The following PAXBP1 variants were observed in gnomAD, a reference collection of about 807,000 sequenced individuals.
PAXBP1 encodes the protein PAX3- and PAX7-binding protein 1.
A neutral mutation model predicts 119.9 loss-of-function variants in PAXBP1; 44 were observed. That is an observed-to-expected ratio of 0.37 (90% CI 0.29 to 0.47). The LOEUF (loss-of-function observed/expected upper bound fraction) is 0.47. Ranked by LOEUF, PAXBP1 falls within the 20% of genes least tolerant of loss-of-function variation. The probability of loss-of-function intolerance (pLI) is 0.99; values close to 1 mark genes in which losing one functional copy is unlikely to be tolerated. For synonymous variants in PAXBP1, 393 were observed against 406.6 expected, an observed-to-expected ratio of 0.97 and a Z score of 0.40; for missense variants, 898 against 1,134.1, an observed-to-expected ratio of 0.79 and a Z score of 2.99.
intron 6 of PAXBP1, 25 bp from the exon 7 acceptor site, chr21:32,759,294 T>C (rs1249829876): frequency 1.2e-6 from 2 of 1,602,846 alleles, no homozygotes; most frequent in African/African-American, 1.3e-5. Context: ...AGGATAAATA[T>C]AACACATTTA....
chr21:32,759,790 G>A lies in PAXBP1; in HGVS notation c.1180C>T (p.Gln394Ter). The A allele has an allele frequency of 6.2e-7, 1 of 1,613,356 alleles. No homozygotes were observed. The highest frequency in any genetic ancestry group is 8.5e-7 in the Non-Finnish European group (1 of 1,179,334). Residue 394 changes from glutamine to a stop codon, truncating the protein, a stop_gained, in exon 6 of 18, where the codon CAG (glutamine) becomes TAG (stop). Coordinates refer to ENST00000331923, the MANE Select transcript of PAXBP1 (RefSeq NM_016631.4). LOFTEE classifies it high-confidence loss of function. Reference sequence around the variant, plus strand: ...GATCTGCCCTACCTGTCTTTAAGCTGTTTCTTTACCAAATCAATAGTAACG... The same window carrying A: ...GATCTGCCCTACCTGTCTTTAAGCTATTTCTTTACCAAATCAATAGTAACG... ...TPVTIDLVKK[Q>*]LKDRLDSMKE...
At chr21:32,738,103 T>A in intron 16 of PAXBP1, 70 bp downstream of exon 16, 1 of 1,424,644 alleles carries the variant, frequency 7.0e-7, no homozygotes, top group Non-Finnish European at 9.3e-7. Flanking sequence ...CAAATCCCTC[T>A]TCAAACAAAC....
At chr21:32,770,728 C>T (rs77568761) in intron 1 of PAXBP1, among the ~76,000 whole-genome samples, 7,265 of 152,282 alleles carry the variant, frequency 0.048, 265 homozygotes, top group South Asian at 0.15. Flanking sequence ...TACACCGTCT[C>T]GCTTCACTGT....
chr21:32,740,218 C>T (rs1052884906), intron 15 of PAXBP1, among the ~76,000 whole-genome samples: 2 of 152,152 alleles, frequency 1.3e-5, no homozygotes, highest in Admixed American at 1.3e-4. Context: ...TGCAACCATC[C>T]CTCTCTCACC....
intron 7 of PAXBP1, among the ~76,000 whole-genome samples, chr21:32,757,441 ATAAGGTT>A (rs1482670652): frequency 6.6e-6 from 1 of 152,228 alleles, no homozygotes; most frequent in African/African-American, 2.4e-5. Flanking sequence ...TAGTCACTGT[ATAAGGTT>A]TAAGATTTGT....
At chr21:32,760,692 C>G (rs1161297165) in intron 5 of PAXBP1, among the ~76,000 whole-genome samples, 1 of 152,098 alleles carries the variant, frequency 6.6e-6, no homozygotes, top group African/African-American at 2.4e-5. Flanking sequence ...CCCCACCACC[C>G]CAAGCTTCTG....
intron 13 of PAXBP1, among the ~76,000 whole-genome samples, 199 bp from the exon 14 acceptor site, chr21:32,743,953 C>T (rs570702526): frequency 1.3e-5 from 2 of 152,162 alleles, no homozygotes; most frequent in South Asian, 2.1e-4. Flanking sequence ...AGCAATAAAG[C>T]TTTAGAAATC....
chr21:32,758,074 T>C (rs1044060780), intron 7 of PAXBP1, among the ~76,000 whole-genome samples: 4 of 152,236 alleles, frequency 2.6e-5, no homozygotes, highest in Non-Finnish European at 5.9e-5. Context: ...GGCCACAGAC[T>C]GACTGGAACC....
chr21:32,741,454 G>A (rs1344071064), intron 15 of PAXBP1: 7 of 673,228 alleles, frequency 1.0e-5, no homozygotes, highest in South Asian at 1.7e-5. Context: ...TAGGTTTAAC[G>A]AAATATGTAC....
chr21:32,762,139 A>G lies in PAXBP1; in HGVS notation c.828T>C (p.Ser276=). 1 of 1,614,230 alleles carries G rather than the reference A, an allele frequency of 6.2e-7. No individual in the cohort carries two copies. The highest frequency in any genetic ancestry group is 8.5e-7 in the Non-Finnish European group (1 of 1,180,038). Residue 276 remains serine, a synonymous_variant, in exon 4 of 18, where the codon TCT becomes TCC. Coordinates refer to ENST00000331923, the MANE Select transcript of PAXBP1 (RefSeq NM_016631.4). ...DDDEKRRIVF[S]VKEKSQRQKI... is the part of the protein sequence containing the mutation. ...TTTGTCTTTGTGACTTTTCTTTCAC[A>G]GAAAAAACTATCCGGCGTTTCTCAT...
intron 1 of PAXBP1, among the ~76,000 whole-genome samples, chr21:32,770,840 C>G (rs141257525): frequency 7.2e-5 from 11 of 152,312 alleles, no homozygotes; most frequent in Non-Finnish European, 1.5e-4. Context: ...CAAGGTCACT[C>G]AGAACCAGAG....
intron 10 of PAXBP1, among the ~76,000 whole-genome samples, chr21:32,749,196 A>AT (rs879356998): frequency 1.9e-3 from 265 of 142,830 alleles, no homozygotes; most frequent in Middle Eastern, 3.6e-3. Context: ...TGCGAATAAG[A>AT]TTTTTTTTTT....
intron 11 of PAXBP1, among the ~76,000 whole-genome samples, chr21:32,747,041 T>C (rs945535434): frequency 1.7e-5 from 2 of 119,908 alleles, no homozygotes; most frequent in Non-Finnish European, 3.2e-5. Context: ...TGAGAATATA[T>C]GGACACATAC....
chr21:32,742,345 G>C (rs1238928955), intron 15 of PAXBP1: 2 of 151,986 alleles, frequency 1.3e-5, no homozygotes, highest in African/African-American at 2.4e-5. Context: ...TCTATCATCT[G>C]GACTATGGAC....
intron 15 of PAXBP1, among the ~76,000 whole-genome samples, chr21:32,740,659 G>A (rs1488530375): frequency 1.3e-5 from 2 of 152,120 alleles, no homozygotes; most frequent in African/African-American, 4.8e-5. Context: ...AGAAAGGATA[G>A]GAGAAAACCT....
intron 8 of PAXBP1, among the ~76,000 whole-genome samples, chr21:32,752,598 T>C (rs1047879370): frequency 2.6e-5 from 4 of 152,166 alleles, no homozygotes; most frequent in African/African-American, 7.2e-5. Context: ...AAAATTTAGC[T>C]CTTACTTCAG....
chr21:32,747,148 AG>A (rs1444555450), intron 11 of PAXBP1, among the ~76,000 whole-genome samples: 2 of 152,162 alleles, frequency 1.3e-5, no homozygotes, highest in African/African-American at 2.4e-5. Context: ...CTTCCTACCA[AG>A]GTGATGGGTT....
chr21:32,769,862 C>G lies in PAXBP1; in HGVS notation c.424G>C (p.Asp142His). ...GTCTTAATCTTCGATTTTTCAAGATCTTCTTTATATTCCTTCTTGAGCAAT... is the reference window on the plus strand; with the variant it reads ...GTCTTAATCTTCGATTTTTCAAGATGTTCTTTATATTCCTTCTTGAGCAAT... Reference protein sequence around the residue: ...VKLLKKEYKEDLEKSKIKTEL... With the variant: ...VKLLKKEYKEHLEKSKIKTEL... Residue 142 changes from aspartate to histidine, a missense_variant, in exon 2 of 18, where the codon GAT (aspartate) becomes CAT (histidine). Asp to His is a moderately conservative substitution (Grantham distance 81). This residue lies in a region of PAXBP1 where 299 missense variants were observed against 281.4 expected (regional missense o/e 1.06). Coordinates refer to ENST00000331923, the MANE Select transcript of PAXBP1 (RefSeq NM_016631.4). The G allele has an allele frequency of 6.3e-7, 1 of 1,599,516 alleles. No individual in the cohort carries two copies. The highest frequency in any genetic ancestry group is 8.5e-7 in the Non-Finnish European group (1 of 1,174,606).
intron 2 of PAXBP1, among the ~76,000 whole-genome samples, chr21:32,767,270 A>C (rs2044257084): frequency 6.6e-6 from 1 of 152,204 alleles, no homozygotes; most frequent in Admixed American, 6.5e-5. Context: ...TGAAGGTAGG[A>C]AGAGTTCTGG....
Sources: allele counts gnomAD v4.1 joint callset (sites outside exome capture counted in the v4.1 genomes callset), GRCh38; gene constraint gnomAD v4.1.1; regional missense constraint gnomAD v4.1.1; transcripts MANE v1.5; gene names NCBI Gene and HGNC (gene_info 2026-07-23, HGNC 2026-07-21).